The following MYH15 variants were observed in gnomAD, a reference collection of about 807,000 sequenced individuals.
MYH15 encodes the protein myosin heavy chain 15.
In MYH15, 227 loss-of-function variants were observed where a neutral mutation model predicts 240.5. That is an observed-to-expected ratio of 0.94 (90% CI 0.85 to 1.05). The LOEUF is 1.05. MYH15 is among the 50% of genes least tolerant of loss of function. MYH15 has a pLI of 0.00. For synonymous variants in MYH15, 785 were observed against 796.7 expected (o/e 0.99, Z 0.25); for missense variants, 2,217 against 2,247.5 (o/e 0.99, Z 0.27).
upstream of MYH15, among the ~76,000 whole-genome samples, chr3:108,512,327 G>T (rs6793463): frequency 2.2e-3 from 335 of 152,250 alleles, 3 homozygotes; most frequent in African/African-American, 7.8e-3. Context: ...CTGTGGGCAG[G>T]AACATGAGGA....
upstream of MYH15, among the ~76,000 whole-genome samples, chr3:108,533,623 G>A (rs183864512): frequency 9.8e-4 from 149 of 152,278 alleles, 1 homozygote; most frequent in African/African-American, 3.0e-3. Flanking sequence ...GTGCCAGACT[G>A]TGAGGAGGGA....
intron 11 of MYH15, among the ~76,000 whole-genome samples, chr3:108,481,499 A>G (rs1001141165): frequency 1.3e-5 from 2 of 152,144 alleles, no homozygotes; most frequent in African/African-American, 2.4e-5. Flanking sequence ...GATTAGGGGG[A>G]TAGTGGTGGA....
chr3:108,505,790 T>C lies in MYH15; in HGVS notation c.128A>G (p.Tyr43Cys), dbSNP rs779220108. 2.5e-6 allele frequency: 4 copies of C among 1,611,060 alleles called. No homozygotes were observed. In the South Asian group the frequency reaches 3.3e-5, roughly 13 times the overall value. The change falls in exon 2 of 41, where the codon TAT becomes TGT. Residue 43 changes from tyrosine (Y) to cysteine (C), a missense_variant. Physicochemically the swap from Tyr to Cys is radical, Grantham distance 194. Coordinates refer to ENST00000693548, the MANE Select transcript of MYH15 (RefSeq NM_014981.3). ...ACTCCCTTTTACCTCAGCCTCGATA[T>C]AAGCATTCTCACCATCAGGAATCCA... ...KCWIPDGENAYIEAEVKGSED... is the reference protein window; with the variant it reads ...KCWIPDGENACIEAEVKGSED...
intron 9 of MYH15, 83 bp downstream of exon 9, chr3:108,492,417 C>G (rs1413425830): frequency 6.2e-6 from 6 of 970,400 alleles, no homozygotes; most frequent in Non-Finnish European, 9.2e-6. Flanking sequence ...AAGAAACTTA[C>G]CGAATAACAC....
At chr3:108,548,674 T>C in the MYH15 span, among the ~76,000 whole-genome samples, 118 of 152,196 alleles carry the variant, frequency 7.8e-4, 1 homozygote, top group Non-Finnish European at 6.5e-4. Context: ...AAAGCAAAGT[T>C]GTAAATATAG....
intron 27 of MYH15, among the ~76,000 whole-genome samples, chr3:108,423,004 C>A (rs2082695415): frequency 6.6e-6 from 1 of 151,996 alleles, no homozygotes; most frequent in Non-Finnish European, 1.5e-5. Flanking sequence ...TCTTTGTCCC[C>A]GGCCACAAAA....
At chr3:108,444,131 A>C (rs2082907892) in intron 22 of MYH15, among the ~76,000 whole-genome samples, 1 of 151,716 alleles carries the variant, frequency 6.6e-6, no homozygotes, top group African/African-American at 2.4e-5. Context: ...CATGTACCCT[A>C]AAACTTAAAG....
chr3:108,448,955 A>G (rs145923245), intron 21 of MYH15, among the ~76,000 whole-genome samples: 2 of 152,134 alleles, frequency 1.3e-5, no homozygotes, highest in South Asian at 2.1e-4. Context: ...ATTTCTATAT[A>G]CTAACAATGG....
At chr3:108,497,157 T>TAAAAA (rs5851595) in intron 6 of MYH15, among the ~76,000 whole-genome samples, 8 of 28,770 alleles carry the variant, frequency 2.8e-4, no homozygotes, top group East Asian at 1.4e-3. Context: ...CGAGACTCCG[T>TAAAAA]AAAAAAAAAA....
chr3:108,479,659 G>T (rs1051134507), intron 11 of MYH15, among the ~76,000 whole-genome samples: 3 of 152,160 alleles, frequency 2.0e-5, no homozygotes, highest in Non-Finnish European at 1.5e-5. Flanking sequence ...AGCCAAGTTT[G>T]CAAACTACTG....
the MYH15 span, among the ~76,000 whole-genome samples, chr3:108,549,131 T>C: frequency 5.6e-4 from 85 of 152,136 alleles, no homozygotes; most frequent in Non-Finnish European, 2.1e-4. Flanking sequence ...GTAATCCTAA[T>C]ATAATGATGC....
upstream of MYH15, among the ~76,000 whole-genome samples, chr3:108,534,306 G>A (rs1232429352): frequency 6.6e-6 from 1 of 152,098 alleles, no homozygotes; most frequent in African/African-American, 2.4e-5. Flanking sequence ...TAGAAAATTA[G>A]ACCAGCCTAT....
At chr3:108,542,582 G>T in the MYH15 span, among the ~76,000 whole-genome samples, 1 of 152,004 alleles carries the variant, frequency 6.6e-6, no homozygotes, top group Non-Finnish European at 1.5e-5. Flanking sequence ...TAAAGTTCCG[G>T]ATACATGTGC....
Position 108,463,112 on chromosome 3 carries a change from A to C in MYH15, c.1863T>G (p.Ser621Arg), listed in dbSNP as rs766452446. Reference protein sequence around the residue: ...SLFENYMSTDSAIPFGEKKRK... With the variant: ...SLFENYMSTDRAIPFGEKKRK... Reference sequence around the variant, plus strand: ...ATCAAGGAAGATTGTATGACTCACCACTGTCAGTACTCATGTAATTTTCAA... The same window carrying C: ...ATCAAGGAAGATTGTATGACTCACCCCTGTCAGTACTCATGTAATTTTCAA... Residue 621 changes from serine to arginine, a missense_variant and splice_region_variant, in exon 16 of 41, where the codon AGT becomes AGG. Transcript: ENST00000693548. 3.1e-6 allele frequency: 5 copies of C among 1,603,180 alleles called. No homozygotes were observed. In the Admixed American group the frequency reaches 8.7e-5, roughly 28 times the overall value.
intron 10 of MYH15, 81 bp from the exon 11 acceptor site, chr3:108,485,310 T>C: frequency 8.0e-6 from 12 of 1,504,968 alleles, no homozygotes; most frequent in Non-Finnish European, 1.1e-5. Flanking sequence ...GTGTTACACC[T>C]CGGGCTGTGG....
At chr3:108,395,557 C>T (rs1339379167) in intron 35 of MYH15, among the ~76,000 whole-genome samples, 1 of 151,656 alleles carries the variant, frequency 6.6e-6, no homozygotes, top group Admixed American at 6.6e-5. Context: ...TACATAGAAT[C>T]CTTTAAAATT....
At chr3:108,461,213 C>A (rs763707282) in intron 16 of MYH15, among the ~76,000 whole-genome samples, 1 of 152,096 alleles carries the variant, frequency 6.6e-6, no homozygotes, top group Non-Finnish European at 1.5e-5. Flanking sequence ...AGCAACTGTG[C>A]GATGGCAGAT....
upstream of MYH15, among the ~76,000 whole-genome samples, chr3:108,532,866 A>G (rs1318034360): frequency 6.6e-6 from 1 of 152,228 alleles, no homozygotes; most frequent in South Asian, 2.1e-4. Flanking sequence ...CTCATCAAGA[A>G]TAAGTATACT....
chr3:108,403,987 CT>C (rs11346006), intron 33 of MYH15, among the ~76,000 whole-genome samples: 52,846 of 148,120 alleles, frequency 0.36, 10,338 homozygotes, highest in East Asian at 0.69. Flanking sequence ...TTATTTGTTG[CT>C]TTTTTTTTTT....
Sources: allele counts gnomAD v4.1 joint callset (sites outside exome capture counted in the v4.1 genomes callset), GRCh38; gene constraint gnomAD v4.1.1; transcripts MANE v1.5; gene names NCBI Gene and HGNC (gene_info 2026-07-23, HGNC 2026-07-21).